The following PABPC4L variants were observed in gnomAD, a reference collection of about 807,000 sequenced individuals.
The protein encoded by PABPC4L is polyadenylate-binding protein 4-like.
For missense variants in PABPC4L, 452 were observed against 451.4 expected (o/e 1.00, Z -0.01); for synonymous variants, 169 against 164.1 (o/e 1.03, Z -0.23).
the PABPC4L span, among the ~76,000 whole-genome samples, chr4:134,083,401 CA>C: frequency 1.4e-3 from 204 of 144,742 alleles, 1 homozygote; most frequent in African/African-American, 4.3e-3. Flanking sequence ...AGCAACTTGC[CA>C]AAAAAAAAAT....
chr4:134,159,360 A>C, the PABPC4L span, among the ~76,000 whole-genome samples: 1 of 152,140 alleles, frequency 6.6e-6, no homozygotes, highest in Non-Finnish European at 1.5e-5. Flanking sequence ...ATGAGTAATC[A>C]TAGTACCCGG....
At chr4:134,085,513 A>G in the PABPC4L span, among the ~76,000 whole-genome samples, 1 of 152,130 alleles carries the variant, frequency 6.6e-6, no homozygotes, top group Non-Finnish European at 1.5e-5. Context: ...CAAAGAAAAC[A>G]CACTATATAA....
chr4:134,194,376 C>G (rs779080691), downstream of PABPC4L, among the ~76,000 whole-genome samples: 2 of 151,706 alleles, frequency 1.3e-5, no homozygotes, highest in Non-Finnish European at 3.0e-5. Context: ...GCAATTCACA[C>G]TTTTTCTGGC....
the PABPC4L span, among the ~76,000 whole-genome samples, chr4:134,129,688 T>A: frequency 6.6e-6 from 1 of 152,038 alleles, no homozygotes; most frequent in Non-Finnish European, 1.5e-5. Flanking sequence ...TTAAACTGAA[T>A]GATAATAGTG....
At chr4:134,054,864 T>C in the PABPC4L span, among the ~76,000 whole-genome samples, 3 of 152,218 alleles carry the variant, frequency 2.0e-5, no homozygotes, top group East Asian at 5.8e-4. Flanking sequence ...AACATACAAT[T>C]TCATTTCTTT....
chr4:134,019,435 C>T, the PABPC4L span, among the ~76,000 whole-genome samples: 1 of 152,154 alleles, frequency 6.6e-6, no homozygotes, highest in East Asian at 1.9e-4. Context: ...TTGAATAAAG[C>T]AGGAAACTGA....
the PABPC4L span, among the ~76,000 whole-genome samples, chr4:134,178,230 A>T: frequency 4.6e-5 from 7 of 152,006 alleles, no homozygotes; most frequent in Non-Finnish European, 8.8e-5. Flanking sequence ...AGAACACCCC[A>T]CATAAGAAAT....
the PABPC4L span, among the ~76,000 whole-genome samples, chr4:134,122,422 T>G: frequency 6.6e-6 from 1 of 151,920 alleles, no homozygotes; most frequent in Non-Finnish European, 1.5e-5. Context: ...TTAAAGCAAT[T>G]TTAAAATATT....
At chr4:134,111,374 G>A in the PABPC4L span, among the ~76,000 whole-genome samples, 5 of 151,804 alleles carry the variant, frequency 3.3e-5, no homozygotes, top group Non-Finnish European at 7.4e-5. Context: ...ACATTCAAAC[G>A]ATAACAATAT....
the PABPC4L span, among the ~76,000 whole-genome samples, chr4:134,175,993 T>C: frequency 6.6e-6 from 1 of 152,146 alleles, no homozygotes; most frequent in African/African-American, 2.4e-5. Context: ...CAAAGATGTT[T>C]AAGCTAAGGA....
chr4:134,085,352 T>A, the PABPC4L span, among the ~76,000 whole-genome samples: 2 of 152,148 alleles, frequency 1.3e-5, no homozygotes, highest in Admixed American at 6.6e-5. Flanking sequence ...GTACATAAAA[T>A]ACACATGTAC....
At chr4:134,103,064 A>C in the PABPC4L span, among the ~76,000 whole-genome samples, 3 of 151,516 alleles carry the variant, frequency 2.0e-5, no homozygotes, top group Non-Finnish European at 3.0e-5. Flanking sequence ...CATTCCTCTA[A>C]TGTGGGGCAT....
At chr4:134,078,967 CTTTTTTT>C in the PABPC4L span, among the ~76,000 whole-genome samples, 1 of 63,786 alleles carries the variant, frequency 1.6e-5, no homozygotes, top group Non-Finnish European at 2.9e-5. Context: ...CGTGCCCGGG[CTTTTTTT>C]TTTTTTTTTT....
chr4:133,969,925 T>A, the PABPC4L span, among the ~76,000 whole-genome samples: 1 of 152,030 alleles, frequency 6.6e-6, no homozygotes, highest in South Asian at 2.1e-4. Context: ...GTCTCCACTT[T>A]TTCTTTCACT....
chr4:133,990,133 C>A, the PABPC4L span, among the ~76,000 whole-genome samples: 10 of 152,112 alleles, frequency 6.6e-5, no homozygotes, highest in African/African-American at 2.4e-4. Context: ...TCATATCATA[C>A]TTCATTTTTC....
At chr4:134,091,097 G>C in the PABPC4L span, among the ~76,000 whole-genome samples, 1 of 152,064 alleles carries the variant, frequency 6.6e-6, no homozygotes, top group Non-Finnish European at 1.5e-5. Flanking sequence ...TGTTAACATA[G>C]AGAAGACTGA....
At chr4:133,956,474 C>T in the PABPC4L span, among the ~76,000 whole-genome samples, 1 of 152,092 alleles carries the variant, frequency 6.6e-6, no homozygotes, top group Non-Finnish European at 1.5e-5. Flanking sequence ...GGATTCAGGA[C>T]AAGTTACCCC....
Position 134,200,353 on chromosome 4 carries a change from T to C in PABPC4L, c.667A>G (p.Thr223Ala). The C allele has an allele frequency of 6.3e-7, 1 of 1,593,966 alleles. No homozygotes were observed. The highest frequency in any genetic ancestry group is 8.6e-7 in the Non-Finnish European group (1 of 1,168,854). The change falls in exon 2 of 2, where the codon ACA becomes GCA. Residue 223 changes from threonine to alanine, a missense_variant. By Grantham distance (58) the Thr-to-Ala change is moderately conservative. Transcript: ENST00000421491. ...CCTTTGGATTTCCCACTGGAATCTG[T>C]CATCACCTTAACACTCAGAGTTTTG... ...YGKTLSVKVM[T>A]DSSGKSKGFG...
the PABPC4L span, among the ~76,000 whole-genome samples, chr4:134,063,679 T>G: frequency 6.6e-6 from 1 of 151,992 alleles, no homozygotes; most frequent in Non-Finnish European, 1.5e-5. Context: ...GTATGCTAAT[T>G]TTAAATACTT....
Sources: allele counts gnomAD v4.1 joint callset (sites outside exome capture counted in the v4.1 genomes callset), GRCh38; gene constraint gnomAD v4.1.1; transcripts MANE v1.5; gene names NCBI Gene and HGNC (gene_info 2026-07-23, HGNC 2026-07-21).